The following RANBP17 variants were observed in gnomAD, a reference collection of about 807,000 sequenced individuals.
RANBP17 encodes the protein RAN binding protein 17.
In RANBP17, 158 loss-of-function variants were observed where a neutral mutation model predicts 141.2. The ratio of observed to expected loss-of-function variants is 1.12; its 90% CI spans 0.98 to 1.28. The LOEUF (loss-of-function observed/expected upper bound fraction) is 1.28, where lower values mean the gene tolerates loss of function less well. Among genes scored for constraint, RANBP17 ranks in the 50% most tolerant of loss-of-function variants. RANBP17 has a pLI of 0.00. For synonymous variants in RANBP17, 430 were observed against 450.0 expected, an observed-to-expected ratio of 0.96 and a Z score of 0.56; for missense variants, 1,438 against 1,290.7, an observed-to-expected ratio of 1.11 and a Z score of -1.75.
At chr5:171,119,107 T>A (rs1177196356) in intron 14 of RANBP17, among the ~76,000 whole-genome samples, 1 of 152,202 alleles carries the variant, frequency 6.6e-6, no homozygotes. Context: ...TATACCAGAT[T>A]TATTGAGAAT....
intron 18 of RANBP17, among the ~76,000 whole-genome samples, chr5:171,194,061 G>A (rs766837481): frequency 2.0e-5 from 3 of 151,982 alleles, no homozygotes; most frequent in Non-Finnish European, 4.4e-5. Flanking sequence ...TCTATTACTT[G>A]CTTCTCCTTG....
intron 19 of RANBP17, among the ~76,000 whole-genome samples, chr5:171,203,259 A>C (rs918861870): frequency 2.0e-5 from 3 of 152,184 alleles, no homozygotes; most frequent in Non-Finnish European, 4.4e-5. Flanking sequence ...CCTTTCCTCA[A>C]ATTCAATAAG....
intron 14 of RANBP17, among the ~76,000 whole-genome samples, chr5:171,060,979 T>G (rs1783796893): frequency 6.7e-6 from 1 of 150,322 alleles, no homozygotes. Context: ...CTGATGGTAG[T>G]TTGTATTTCT....
At chr5:171,080,329 A>G (rs76266355) in intron 14 of RANBP17, among the ~76,000 whole-genome samples, 1,694 of 152,182 alleles carry the variant, frequency 0.011, 34 homozygotes, top group African/African-American at 0.038. Context: ...GACAGTGTAA[A>G]TGCCAGGATA....
intron 22 of RANBP17, among the ~76,000 whole-genome samples, chr5:171,237,728 A>G (rs981427204): frequency 1.3e-5 from 2 of 152,198 alleles, no homozygotes; most frequent in African/African-American, 4.8e-5. Context: ...TAACCTGGCA[A>G]TGCCATCATC....
intron 24 of RANBP17, chr5:171,252,276 T>C: frequency 6.4e-7 from 1 of 1,553,264 alleles, no homozygotes; most frequent in Middle Eastern, 2.0e-4. Context: ...GCTTACCTAA[T>C]GGTAATATTA....
At chr5:171,190,811 T>C (rs919116390) in intron 18 of RANBP17, among the ~76,000 whole-genome samples, 1 of 152,218 alleles carries the variant, frequency 6.6e-6, no homozygotes, top group Non-Finnish European at 1.5e-5. Flanking sequence ...ACGCTTTTCA[T>C]TTGGTGAAGA....
At chr5:171,089,513 T>C (rs1786030541) in intron 14 of RANBP17, among the ~76,000 whole-genome samples, 1 of 152,016 alleles carries the variant, frequency 6.6e-6, no homozygotes, top group Non-Finnish European at 1.5e-5. Flanking sequence ...GGCTGCTTTG[T>C]TTACCTAAGC....
At chr5:170,980,880 G>C (rs186849167) in intron 14 of RANBP17, among the ~76,000 whole-genome samples, 13 of 152,276 alleles carry the variant, frequency 8.5e-5, no homozygotes, top group African/African-American at 3.1e-4. Context: ...TAGATCCACT[G>C]ACAGCTTGCA....
rs70982330 is a variant in RANBP17 at position 171,277,637 on chromosome 5, GTA to G, written c.2943+11820_2943+11821del. The stretch of plus-strand genomic sequence containing the variant: ...GTGCCTTACGTATACATATATGTAT[GTA>G]TATATATATATATATATATATATAT... On this transcript the variant is annotated intron_variant, in intron 25 of 27. Transcript: ENST00000523189. Among the ~76,000 whole-genome samples the G allele has an allele frequency of 5.8e-3, 330 of 56,906 alleles. 24 individuals carry two copies. The South Asian group carries it at 0.08, about 14-fold the overall frequency. The allele number at this position is 56,906 out of a possible 152,430, so 37.3% of individuals were successfully genotyped here. A position where few individuals can be genotyped will look rare whatever the true frequency, so the allele number is the denominator to read the frequency against.
intron 14 of RANBP17, chr5:170,983,107 C>A: frequency 1.9e-6 from 1 of 519,512 alleles, no homozygotes; most frequent in Non-Finnish European, 3.7e-6. Flanking sequence ...AAAAAGTAAA[C>A]CAAGAAAAGA....
intron 24 of RANBP17, chr5:171,251,789 G>T: frequency 1.8e-6 from 2 of 1,142,124 alleles, no homozygotes; most frequent in South Asian, 1.2e-5. Flanking sequence ...CTCTGTGATT[G>T]GGTGGAAGAT....
chr5:171,000,925 G>T (rs558438040), intron 14 of RANBP17, among the ~76,000 whole-genome samples: 10 of 152,224 alleles, frequency 6.6e-5, no homozygotes, highest in Non-Finnish European at 1.2e-4. Context: ...AATGTCATCA[G>T]TTAAGGCTGT....
At position 171,205,605 on chromosome 5, in the gene RANBP17, GA is replaced by G. The variant is rs762548410; in HGVS notation, c.2225del (p.Asp742AlafsTer29). Reference sequence around the variant, plus strand: ...AAAGACCAGCTACACCATGCTGTTTGACTGGATGTATCCTTATTACACTGTG... The same window carrying G: ...AAAGACCAGCTACACCATGCTGTTTGCTGGATGTATCCTTATTACACTGTG... ...NTKTSYTMLF[D>X]WMYPTYLPLL... On this transcript the variant is annotated frameshift_variant, in exon 20 of 28. Coordinates refer to ENST00000523189, the MANE Select transcript of RANBP17 (RefSeq NM_022897.5). LOFTEE classifies it high-confidence loss of function. The G allele has an allele frequency of 1.9e-6, 3 of 1,612,860 alleles. No individual in the cohort carries two copies. In the East Asian group the frequency reaches 6.7e-5, roughly 36 times the overall value.
intron 19 of RANBP17, among the ~76,000 whole-genome samples, chr5:171,203,600 A>T (rs1762419819): frequency 1.3e-5 from 2 of 151,170 alleles, no homozygotes; most frequent in Admixed American, 6.6e-5. Flanking sequence ...TTGCCACTTT[A>T]AAAAAAAAGC....
chr5:171,031,767 A>G (rs1026484746), intron 14 of RANBP17, among the ~76,000 whole-genome samples: 2 of 152,038 alleles, frequency 1.3e-5, no homozygotes, highest in African/African-American at 4.8e-5. Context: ...AGGAAGAAAT[A>G]TTCCACCTAG....
At chr5:170,947,918 C>G (rs1330367541) in intron 12 of RANBP17, among the ~76,000 whole-genome samples, 1 of 152,122 alleles carries the variant, frequency 6.6e-6, no homozygotes, top group East Asian at 1.9e-4. Context: ...GTCACTTTCA[C>G]CAAATTCTAT....
At chr5:171,211,097 A>G (rs920234713) in intron 20 of RANBP17, among the ~76,000 whole-genome samples, 1 of 151,498 alleles carries the variant, frequency 6.6e-6, no homozygotes, top group Non-Finnish European at 1.5e-5. Context: ...TATCAAAAAT[A>G]ACAGCTTTTC....
chr5:171,269,009 A>G (rs1368518335), intron 25 of RANBP17, among the ~76,000 whole-genome samples: 2 of 152,194 alleles, frequency 1.3e-5, no homozygotes, highest in Admixed American at 6.5e-5. Flanking sequence ...CATATGACTA[A>G]GTAGTGATAT....
Sources: gnomAD v4.1 joint callset for allele counts (sites outside exome capture counted in the v4.1 genomes callset) on GRCh38, gnomAD v4.1.1 for gene constraint, MANE v1.5 for transcripts, NCBI Gene and HGNC (gene_info 2026-07-23, HGNC 2026-07-21) for gene names.